Variants in TRAF3IP2 observed in about 807,000 individuals in gnomAD.
TRAF3IP2 encodes TRAF3 interacting protein 2.
TRAF3IP2 carries 35 observed loss-of-function variants against 57.9 expected under a neutral mutation model. The ratio of observed to expected loss-of-function variants is 0.60; its 90% CI spans 0.46 to 0.80. TRAF3IP2 has a LOEUF of 0.80. TRAF3IP2 is among the 30% of genes least tolerant of loss of function. The pLI is 0.00. For synonymous variants in TRAF3IP2, 251 were observed against 268.9 expected (o/e 0.93, Z 0.65); for missense variants, 556 against 706.4 (o/e 0.79, Z 2.41).
intron 7 of TRAF3IP2, among the ~76,000 whole-genome samples, chr6:111,563,372 T>G (rs192685925): frequency 2.4e-4 from 37 of 152,220 alleles, no homozygotes; most frequent in Middle Eastern, 3.4e-3. Flanking sequence ...TTCACACTGA[T>G]AGCTTGAAAT....
chr6:111,575,229 A>T (rs774275417), intron 4 of TRAF3IP2, among the ~76,000 whole-genome samples: 4 of 152,116 alleles, frequency 2.6e-5, no homozygotes, highest in Non-Finnish European at 4.4e-5. Context: ...TGTCTTAAAA[A>T]AAAGGAAAAT....
intron 1 of TRAF3IP2, chr6:111,598,158 G>A (rs174397): frequency 0.59 from 142,300 of 240,544 alleles, 44,723 homozygotes; most frequent in Middle Eastern, 0.7. Flanking sequence ...CCACACCCAG[G>A]GCCTCTGAGT....
chr6:111,591,049 A>G lies in TRAF3IP2; in HGVS notation c.829+209T>C, dbSNP rs1227816396. On this transcript the variant is annotated intron_variant, in intron 2 of 8. Transcript: ENST00000368761. The surrounding 1 kb of genome is among the most constrained non-coding windows in gnomAD (Gnocchi z 4.9). ...AAAGGTCCCTAGAGAAGGAGACTCC[A>G]AGTGGGACAGGCTTTAGGCTAAGAA... Among the ~76,000 whole-genome samples the G allele has an allele frequency of 4.6e-5, 7 of 152,138 alleles. No homozygotes were observed. The highest frequency in any genetic ancestry group is 1.2e-4 in the African/African-American group (5 of 41,432).
intron 1 of TRAF3IP2, among the ~76,000 whole-genome samples, chr6:111,604,273 C>T (rs897674571): frequency 2.0e-5 from 3 of 152,134 alleles, no homozygotes; most frequent in South Asian, 2.1e-4. Context: ...TCTGTGTATC[C>T]GCCATCTAAT....
chr6:111,588,701 G>A (rs1796413551), intron 2 of TRAF3IP2, among the ~76,000 whole-genome samples: 1 of 152,180 alleles, frequency 6.6e-6, no homozygotes, highest in Admixed American at 6.5e-5. Context: ...TTAATCGGAA[G>A]TGCAGTTAAA....
In TRAF3IP2 at chr6:111,580,178, T is replaced by C. The variant is rs770811814; in HGVS notation, c.1022+19A>G. On this transcript the variant is annotated intron_variant, in intron 3 of 8. Transcript: ENST00000368761. ...TTTCCATGTTAAAAATGCCTGAAGG[T>C]TGGGCCTGTCATACTTACTGGTGCC... is the stretch of plus-strand genomic sequence containing the variant. 1 of 1,611,798 alleles carries C rather than the reference T, an allele frequency of 6.2e-7. No individual in the cohort carries two copies. Among genetic ancestry groups the C allele is most frequent in the Non-Finnish European group, 8.5e-7 (1 of 1,178,862 alleles).
At chr6:111,560,250 A>G (rs1224012825) in intron 8 of TRAF3IP2, among the ~76,000 whole-genome samples, 1 of 152,188 alleles carries the variant, frequency 6.6e-6, no homozygotes, top group African/African-American at 2.4e-5. Flanking sequence ...GACCTAAAAG[A>G]GTGGAAGAAG....
At chr6:111,580,123 G>A in intron 3 of TRAF3IP2, 74 bp downstream of exon 3, 1 of 1,528,946 alleles carries the variant, frequency 6.5e-7, no homozygotes, top group African/African-American at 1.4e-5. Flanking sequence ...AGAGAATTCT[G>A]TTACATCTTC....
At chr6:111,569,734 C>T (rs1052618791) in intron 5 of TRAF3IP2, among the ~76,000 whole-genome samples, 1 of 152,092 alleles carries the variant, frequency 6.6e-6, no homozygotes, top group Admixed American at 6.6e-5. Context: ...CTAGCCTGGG[C>T]AACAGAGCAA....
rs1051228206 is a variant in TRAF3IP2, at chr6:111,558,661, C to G, written c.*744G>C. 1.3e-5 allele frequency: 2 copies of G among 152,222 alleles called. No homozygotes were observed. The highest frequency in any genetic ancestry group is 4.8e-5 in the African/African-American group (2 of 41,432). The allele number at this position is 152,222 out of a possible 1,614,324, so 9.4% of individuals were successfully genotyped here. ...TGTTGGCCAGGCTGGTCTCAAACTC[C>G]TGACCTCAAATGATCTGCCTGCCTT... On this transcript the variant is annotated 3_prime_UTR_variant, in exon 9 of 9. Coordinates refer to ENST00000368761, the MANE Select transcript of TRAF3IP2 (RefSeq NM_147686.4).
chr6:111,581,018 A>C (rs1031795087), intron 2 of TRAF3IP2, among the ~76,000 whole-genome samples: 4 of 152,202 alleles, frequency 2.6e-5, no homozygotes, highest in African/African-American at 7.2e-5. Flanking sequence ...GGGCTGCTTG[A>C]AGAGGGCTGG....
Position 111,591,057 on chromosome 6 carries a change from C to T in TRAF3IP2, c.829+201G>A, listed in dbSNP as rs1416139290. Among the ~76,000 whole-genome samples the T allele has an allele frequency of 6.6e-6, 1 of 152,162 alleles. No individual in the cohort carries two copies. The highest frequency in any genetic ancestry group is 2.4e-5 in the African/African-American group (1 of 41,428). ...CTAGAGAAGGAGACTCCAAGTGGGA[C>T]AGGCTTTAGGCTAAGAAAAAGCATT... is the stretch of plus-strand genomic sequence containing the variant. On this transcript the variant is annotated intron_variant, in intron 2 of 8. Coordinates refer to ENST00000368761, the MANE Select transcript of TRAF3IP2 (RefSeq NM_147686.4). The surrounding 1 kb of genome is among the most constrained non-coding windows in gnomAD (Gnocchi z 4.9).
At chr6:111,580,433 G>C in intron 2 of TRAF3IP2, 44 bp from the exon 3 acceptor site, 1 of 1,496,698 alleles carries the variant, frequency 6.7e-7, no homozygotes, top group African/African-American at 1.4e-5. Context: ...ATCAACTCTA[G>C]CTCCTTCGTG....
chr6:111,605,483 G>T (rs1192204175), intron 1 of TRAF3IP2, among the ~76,000 whole-genome samples: 1 of 152,234 alleles, frequency 6.6e-6, no homozygotes, highest in African/African-American at 2.4e-5. Context: ...CAAACGAATG[G>T]TTCCCAGGCA....
intron 8 of TRAF3IP2, among the ~76,000 whole-genome samples, chr6:111,561,228 T>G (rs779891346): frequency 6.9e-6 from 1 of 144,274 alleles, no homozygotes; most frequent in Non-Finnish European, 1.5e-5. Context: ...GATCACGAGG[T>G]CAAGAGAACA....
chr6:111,589,327 G>A (rs1421684747), intron 2 of TRAF3IP2, among the ~76,000 whole-genome samples: 1 of 152,158 alleles, frequency 6.6e-6, no homozygotes, highest in Non-Finnish European at 1.5e-5. Context: ...GCCTCCCAAA[G>A]TGCTGGGATT....
chr6:111,596,746 G>A (rs868467753), intron 1 of TRAF3IP2, among the ~76,000 whole-genome samples: 21 of 152,086 alleles, frequency 1.4e-4, no homozygotes, highest in African/African-American at 5.1e-4. Context: ...GAGCCACTGC[G>A]CCAGTCGGTG....
Position 111,591,274 on chromosome 6 carries a change from G to C in TRAF3IP2, c.813C>G (p.Pro271=), listed in dbSNP as rs370730037. The C allele has an allele frequency of 6.7e-7, 1 of 1,485,444 alleles. No homozygotes were observed. Among genetic ancestry groups the C allele is most frequent in the African/African-American group, 1.4e-5 (1 of 71,298 alleles). 92.0% of individuals were successfully genotyped at this position (1,485,444 alleles called of 1,614,324 possible). A position where few individuals can be genotyped will look rare whatever the true frequency, so the allele number is the denominator to read the frequency against. The part of the protein sequence containing the change: ...WNYHYHCPGS[P]DHQVPYGHDY... Reference sequence around the variant, plus strand: ...ATCACTTACATGGCACCTGGTGATCGGGACTTCCAGGACAATGGTAATGAT... The same window carrying C: ...ATCACTTACATGGCACCTGGTGATCCGGACTTCCAGGACAATGGTAATGAT... The change falls in exon 2 of 9, where the codon CCC becomes CCG. Residue 271 remains proline (P), a synonymous_variant. Transcript: ENST00000368761. The surrounding 1 kb of genome is among the most constrained non-coding windows in gnomAD (Gnocchi z 4.9).
At chr6:111,576,590 T>A (rs1014741245) in intron 3 of TRAF3IP2, 1 of 152,292 alleles carries the variant, frequency 6.6e-6, no homozygotes, top group Non-Finnish European at 1.5e-5. Flanking sequence ...GAGATCTATC[T>A]GGCACAGAAC....
Sources: allele counts gnomAD v4.1 joint callset (sites outside exome capture counted in the v4.1 genomes callset), GRCh38; gene constraint gnomAD v4.1.1; non-coding constraint Gnocchi (gnomAD v3.1); transcripts MANE v1.5; gene names NCBI Gene and HGNC (gene_info 2026-07-23, HGNC 2026-07-21).